The following EAF2 variants were observed in gnomAD, a reference collection of about 807,000 sequenced individuals.
EAF2 encodes ELL-associated factor 2.
A neutral mutation model predicts 29.4 loss-of-function variants in EAF2; 29 were observed. The observed-to-expected ratio is 0.99, with a 90% confidence interval of 0.73 to 1.35. The LOEUF (loss-of-function observed/expected upper bound fraction) is 1.35, where lower values mean the gene tolerates loss of function less well. EAF2 is among the 40% of genes most tolerant of loss of function. The pLI is 0.00. For synonymous variants in EAF2, 103 were observed against 102.5 expected (o/e 1.00, Z -0.03); for missense variants, 292 against 312.0 (o/e 0.94, Z 0.48).
At chr3:121,850,851 C>T (rs1216039629) in intron 2 of EAF2, among the ~76,000 whole-genome samples, 2 of 152,018 alleles carry the variant, frequency 1.3e-5, no homozygotes, top group African/African-American at 4.8e-5. Context: ...CAGTGCCCGC[C>T]ACCATGCCCA....
chr3:121,856,097 A>G (rs1708711693), intron 3 of EAF2, among the ~76,000 whole-genome samples: 1 of 152,164 alleles, frequency 6.6e-6, no homozygotes, highest in Admixed American at 6.5e-5. Flanking sequence ...GCATACTTTT[A>G]TTATACTACA....
chr3:121,842,069 A>G (rs1708444837), intron 1 of EAF2, among the ~76,000 whole-genome samples: 1 of 152,158 alleles, frequency 6.6e-6, no homozygotes, highest in African/African-American at 2.4e-5. Context: ...CTGTAATCCC[A>G]GCTACTCAGG....
intron 2 of EAF2, among the ~76,000 whole-genome samples, chr3:121,845,581 A>G (rs1708516450): frequency 6.6e-6 from 1 of 152,056 alleles, no homozygotes; most frequent in Non-Finnish European, 1.5e-5. Flanking sequence ...TTTATCCCAT[A>G]GGTATTAAAA....
intron 3 of EAF2, among the ~76,000 whole-genome samples, chr3:121,855,782 G>A (rs1227023856): frequency 6.6e-6 from 1 of 152,158 alleles, no homozygotes; most frequent in Non-Finnish European, 1.5e-5. Flanking sequence ...TTGGGCTAGA[G>A]GTAAGGTTGT....
chr3:121,835,980 A>G (rs1708269242), intron 1 of EAF2, among the ~76,000 whole-genome samples: 1 of 152,170 alleles, frequency 6.6e-6, no homozygotes, highest in African/African-American at 2.4e-5. Flanking sequence ...TTTATTTGGA[A>G]GATGCTTACC....
chr3:121,881,810 C>G (rs1709195194), intron 5 of EAF2, among the ~76,000 whole-genome samples: 1 of 152,038 alleles, frequency 6.6e-6, no homozygotes, highest in South Asian at 2.1e-4. Flanking sequence ...TGCACCCAGC[C>G]TTAATTATAA....
At chr3:121,854,889 T>C in intron 3 of EAF2, 66 bp downstream of exon 3, 1 of 1,360,364 alleles carries the variant, frequency 7.4e-7, no homozygotes, top group Non-Finnish European at 9.8e-7. Flanking sequence ...CAATAAAAAA[T>C]TTATTAAGTC....
chr3:121,846,085 G>T (rs146647572), intron 2 of EAF2, among the ~76,000 whole-genome samples: 35 of 152,232 alleles, frequency 2.3e-4, no homozygotes, highest in African/African-American at 8.4e-4. Flanking sequence ...TTGTAATGGG[G>T]TGGTTTTGTG....
chr3:121,844,668 G>A, intron 2 of EAF2, 121 bp downstream of exon 2: 1 of 550,980 alleles, frequency 1.8e-6, no homozygotes. Context: ...GCACAGATAA[G>A]CAAAAACCAT....
intron 3 of EAF2, among the ~76,000 whole-genome samples, chr3:121,855,512 C>T (rs1484362607): frequency 1.3e-5 from 2 of 152,108 alleles, no homozygotes; most frequent in Admixed American, 6.6e-5. Context: ...GTTCCCGAAT[C>T]CAACCTTAAA....
At chr3:121,851,331 C>T (rs547702909) in intron 2 of EAF2, among the ~76,000 whole-genome samples, 1 of 150,782 alleles carries the variant, frequency 6.6e-6, no homozygotes, top group East Asian at 1.9e-4. Flanking sequence ...ATGTGCACCA[C>T]CATGCCCAGC....
chr3:121,858,071 G>A (rs1425532832), intron 4 of EAF2, among the ~76,000 whole-genome samples: 1 of 152,146 alleles, frequency 6.6e-6, no homozygotes, highest in Non-Finnish European at 1.5e-5. Context: ...GTCTATCATT[G>A]TTGGACATTT....
chr3:121,857,735 C>T (rs1708746608), intron 4 of EAF2, among the ~76,000 whole-genome samples: 1 of 152,084 alleles, frequency 6.6e-6, no homozygotes, highest in South Asian at 2.1e-4. Context: ...AGGTTTGTTA[C>T]ATATGTATAC....
chr3:121,876,312 G>A, intron 5 of EAF2, among the ~76,000 whole-genome samples: 1 of 151,772 alleles, frequency 6.6e-6, no homozygotes, highest in Non-Finnish European at 1.5e-5. Flanking sequence ...TCATTCAAGA[G>A]TAAAATAATT....
At chr3:121,854,989 G>A (rs1313308331) in intron 3 of EAF2, among the ~76,000 whole-genome samples, 166 bp downstream of exon 3, 1 of 152,052 alleles carries the variant, frequency 6.6e-6, no homozygotes, top group Non-Finnish European at 1.5e-5. Context: ...TAAGCAAAAA[G>A]CGTTTTACCA....
intron 2 of EAF2, among the ~76,000 whole-genome samples, chr3:121,848,893 A>G (rs975996136): frequency 6.6e-6 from 1 of 152,054 alleles, no homozygotes; most frequent in Non-Finnish European, 1.5e-5. Context: ...CCCCCACACA[A>G]AAAAAAGAGA....
At chr3:121,853,699 T>G (rs1003862639) in intron 2 of EAF2, among the ~76,000 whole-genome samples, 1 of 152,246 alleles carries the variant, frequency 6.6e-6, no homozygotes, top group Non-Finnish European at 1.5e-5. Context: ...CTGGATGTAT[T>G]TAACTTGTTC....
At chr3:121,883,442 A>G (rs1342371441) in intron 5 of EAF2, among the ~76,000 whole-genome samples, 1 of 152,246 alleles carries the variant, frequency 6.6e-6, no homozygotes, top group African/African-American at 2.4e-5. Context: ...ATAGCTGCAT[A>G]CTTGTAAGTT....
intron 4 of EAF2, among the ~76,000 whole-genome samples, chr3:121,861,683 A>G (rs990849380): frequency 6.6e-6 from 1 of 152,146 alleles, no homozygotes; most frequent in Non-Finnish European, 1.5e-5. Context: ...TAAGGTTAAT[A>G]TTGTTATGTG....
Sources: allele counts gnomAD v4.1 joint callset (sites outside exome capture counted in the v4.1 genomes callset), GRCh38; gene constraint gnomAD v4.1.1; transcripts MANE v1.5; gene names NCBI Gene and HGNC (gene_info 2026-07-23, HGNC 2026-07-21).